PAK3: variants seen among roughly 807,000 people sequenced by gnomAD.
The protein encoded by PAK3 is p21 (RAC1) activated kinase 3.
Under a neutral mutation model 41.0 loss-of-function variants are expected in PAK3, and 4 were observed. The ratio of observed to expected loss-of-function variants is 0.10; its 90% CI spans 0.05 to 0.22. PAK3 has a LOEUF of 0.22. PAK3 is among the 10% of genes least tolerant of loss of function. PAK3 has a pLI of 1.00. For synonymous variants in PAK3, 146 were observed against 139.6 expected (o/e 1.05, Z -0.32); for missense variants, 205 against 409.9 (o/e 0.50, Z 4.32).
chrX:111,207,176 GTA>G (rs1233428255), intron 16 of PAK3, among the ~76,000 whole-genome samples: 1 of 106,178 alleles, frequency 9.4e-6, no homozygotes, highest in Non-Finnish European at 1.9e-5. Flanking sequence ...ATATATGTGT[GTA>G]TATATATACG....
chrX:111,027,200 T>C (rs765915774), intron 1 of PAK3, among the ~76,000 whole-genome samples: 1 of 88,636 alleles, frequency 1.1e-5, no homozygotes, highest in South Asian at 6.9e-4. Flanking sequence ...CCTGAAACCA[T>C]GAAGATTCTA....
intron 8 of PAK3, among the ~76,000 whole-genome samples, chrX:111,159,718 A>G (rs1316705299): frequency 8.9e-6 from 1 of 112,294 alleles, no homozygotes; most frequent in Non-Finnish European, 1.9e-5. Context: ...GTTGCTATCC[A>G]CATAGCTATA....
At chrX:111,129,732 A>C (rs1022467963) in intron 5 of PAK3, among the ~76,000 whole-genome samples, 14 of 111,607 alleles carry the variant, frequency 1.3e-4, no homozygotes, top group African/African-American at 4.2e-4. Context: ...TAAAGAAGCC[A>C]CAGGGAGAAA....
chrX:110,997,541 G>A (rs1460523673), intron 1 of PAK3, among the ~76,000 whole-genome samples: 1 of 111,808 alleles, frequency 8.9e-6, no homozygotes, highest in Non-Finnish European at 1.9e-5. Context: ...AATAGGACAT[G>A]AGATAAAGTA....
chrX:111,097,305 G>C (rs1480108716), intron 1 of PAK3, 85 bp from the exon 2 acceptor site: 3 of 106,831 alleles, frequency 2.8e-5, no homozygotes, highest in Non-Finnish European at 5.8e-5. Flanking sequence ...GTGGGGTGGG[G>C]GATGGTGGGA....
intron 1 of PAK3, among the ~76,000 whole-genome samples, chrX:111,022,281 G>A (rs2092197632): frequency 8.9e-6 from 1 of 111,965 alleles, no homozygotes; most frequent in Admixed American, 9.5e-5. Context: ...TGAGGCAAAA[G>A]CATCGGGTAA....
At position 111,222,911 on chromosome X, in the gene PAK3, AATAAT is replaced by A. The variant is rs2094935336; in HGVS notation, c.*2468_*2472del. ...CTACCACTTTGTACCAAGATTTGAT[AATAAT>A]ATATCCCAGGAGGCATTACTTTTAT... On this transcript the variant is annotated 3_prime_UTR_variant, in exon 18 of 18. Transcript: ENST00000372007. The A allele has an allele frequency of 9.0e-6, 1 of 111,487 alleles. No individual in the cohort carries two copies. The highest frequency in any genetic ancestry group is 3.3e-5 in the African/African-American group (1 of 30,688). 9.2% of individuals were successfully genotyped at this position (111,487 alleles called of 1,213,427 possible). A position where few individuals can be genotyped will look rare whatever the true frequency, so the allele number is the denominator to read the frequency against.
chrX:111,045,571 G>A (rs2092489238), intron 1 of PAK3, among the ~76,000 whole-genome samples: 1 of 111,778 alleles, frequency 8.9e-6, no homozygotes, highest in East Asian at 2.8e-4. Flanking sequence ...GAAGCTAATA[G>A]GAAAGTTTAT....
intron 3 of PAK3, among the ~76,000 whole-genome samples, chrX:111,100,679 G>A (rs1021197209): frequency 8.9e-6 from 1 of 111,800 alleles, no homozygotes; most frequent in Non-Finnish European, 1.9e-5. Context: ...AAGATACTTG[G>A]CATGGGAAGG....
At position 111,194,548 on chromosome X, in the gene PAK3, G is replaced by C; in HGVS notation, c.1110+130G>C. 7.3e-6 allele frequency: 4 copies of C among 545,169 alleles called. No homozygotes were observed. In the South Asian group the frequency reaches 9.8e-5, roughly 13 times the overall value. 44.9% of individuals were successfully genotyped at this position (545,169 alleles called of 1,213,427 possible). A position where few individuals can be genotyped will look rare whatever the true frequency, so the allele number is the denominator to read the frequency against. On this transcript the variant is annotated intron_variant, in intron 14 of 17. Transcript: ENST00000372007. ...TTTTCCACTGAAAACAATTGGAGAGGCCAACTTCAATTTAAATTCTGTCCT... is the reference window on the plus strand; with the variant it reads ...TTTTCCACTGAAAACAATTGGAGAGCCCAACTTCAATTTAAATTCTGTCCT...
chrX:111,035,337 A>G (rs910787402), intron 1 of PAK3, among the ~76,000 whole-genome samples: 8 of 111,061 alleles, frequency 7.2e-5, no homozygotes, highest in Non-Finnish European at 1.3e-4. Flanking sequence ...TCAATTCTGC[A>G]CTCTGCGGGG....
At chrX:111,179,892 GGGATTACAGGCGTGTGTCACCATGC>G (rs2094446954) in intron 11 of PAK3, among the ~76,000 whole-genome samples, 1 of 111,178 alleles carries the variant, frequency 9.0e-6, no homozygotes, top group African/African-American at 3.3e-5. Context: ...TCGAGTAACT[GGGATTACAGGCGTGTGTCACCATGC>G]CCGGCTAATT....
At chrX:111,122,805 A>G (rs896641817) in intron 4 of PAK3, among the ~76,000 whole-genome samples, 1 of 111,773 alleles carries the variant, frequency 8.9e-6, no homozygotes, top group African/African-American at 3.3e-5. Flanking sequence ...TAGAGTTTCA[A>G]TGTGGGAAAA....
intron 6 of PAK3, chrX:111,145,063 T>C: frequency 2.8e-6 from 1 of 357,077 alleles, no homozygotes; most frequent in Non-Finnish European, 5.1e-6. Context: ...AGTCAGACAT[T>C]GATATGTGCT....
intron 1 of PAK3, among the ~76,000 whole-genome samples, chrX:110,953,219 G>T (rs755995404): frequency 1.8e-5 from 2 of 111,753 alleles, no homozygotes; most frequent in Admixed American, 9.5e-5. Flanking sequence ...TAACAAAGAG[G>T]CAAAGAGAGT....
At chrX:111,152,866 T>C (rs1454621706) in intron 8 of PAK3, 1 of 123,822 alleles carries the variant, frequency 8.1e-6, no homozygotes, top group East Asian at 2.3e-4. Context: ...TTAAGATTAA[T>C]CCAAGTTGTT....
intron 10 of PAK3, among the ~76,000 whole-genome samples, chrX:111,165,609 T>G (rs1399587184): frequency 8.9e-6 from 1 of 112,524 alleles, no homozygotes; most frequent in Non-Finnish European, 1.9e-5. Context: ...AAGAATTGCC[T>G]CGATAATTTA....
At chrX:110,955,945 A>C (rs1201524722) in intron 1 of PAK3, among the ~76,000 whole-genome samples, 1 of 112,066 alleles carries the variant, frequency 8.9e-6, no homozygotes, top group African/African-American at 3.2e-5. Context: ...TCACTTGCTT[A>C]AGTTTAAGTC....
intron 8 of PAK3, among the ~76,000 whole-genome samples, chrX:111,154,751 G>A (rs1357715528): frequency 1.8e-5 from 2 of 110,866 alleles, no homozygotes; most frequent in African/African-American, 3.3e-5. Context: ...GTGAAGGGAG[G>A]TAATAGGAAA....
Sources: gnomAD v4.1 joint callset for allele counts (sites outside exome capture counted in the v4.1 genomes callset) on GRCh38, gnomAD v4.1.1 for gene constraint, MANE v1.5 for transcripts, NCBI Gene and HGNC (gene_info 2026-07-23, HGNC 2026-07-21) for gene names.